Variants in ACTA2 observed in about 807,000 individuals in gnomAD.
ACTA2 encodes actin alpha 2, smooth muscle.
A neutral mutation model predicts 39.5 loss-of-function variants in ACTA2; 12 were observed. The ratio of observed to expected loss-of-function variants is 0.30; its 90% CI spans 0.19 to 0.49. ACTA2 has a LOEUF of 0.49. Ranked by LOEUF, ACTA2 falls within the 20% of genes least tolerant of loss-of-function variation. The probability of loss-of-function intolerance (pLI) is 0.99; values close to 1 mark genes in which losing one functional copy is unlikely to be tolerated. For synonymous variants in ACTA2, 158 were observed against 180.6 expected (o/e 0.88, Z 1.00); for missense variants, 236 against 498.8 (o/e 0.47, Z 5.02).
At chr10:88,967,554 G>A (rs940630208) in intron 1 of ACTA2, among the ~76,000 whole-genome samples, 1 of 152,084 alleles carries the variant, frequency 6.6e-6, no homozygotes, top group Admixed American at 6.6e-5. Context: ...GACAATCCAC[G>A]TTACCTAAGC....
chr10:88,966,793 C>G (rs1846326589), intron 1 of ACTA2, among the ~76,000 whole-genome samples: 1 of 152,208 alleles, frequency 6.6e-6, no homozygotes, highest in South Asian at 2.1e-4. Context: ...GTTTTGAAAA[C>G]TATTAAGTGC....
intron 1 of ACTA2, among the ~76,000 whole-genome samples, chr10:88,985,475 C>T (rs544817633): frequency 1.3e-5 from 2 of 152,328 alleles, no homozygotes; most frequent in East Asian, 3.9e-4. Context: ...TCCTTTCTAC[C>T]CAAGTGCTCT....
At chr10:88,978,539 C>T (rs1419487004) in intron 1 of ACTA2, among the ~76,000 whole-genome samples, 1 of 152,138 alleles carries the variant, frequency 6.6e-6, no homozygotes, top group Non-Finnish European at 1.5e-5. Flanking sequence ...CTGCTCTGAC[C>T]TGTTGGAAAG....
intron 1 of ACTA2, among the ~76,000 whole-genome samples, chr10:88,952,123 T>C (rs936147484): frequency 1.3e-5 from 2 of 152,108 alleles, no homozygotes; most frequent in Non-Finnish European, 2.9e-5. Context: ...ATGATGTAGA[T>C]CCAAACTTGT....
At chr10:88,957,001 C>G (rs1198235648), upstream of ACTA2, among the ~76,000 whole-genome samples, 1 of 152,136 alleles carries the variant, frequency 6.6e-6, no homozygotes, top group Non-Finnish European at 1.5e-5. Flanking sequence ...AAACACCTCC[C>G]ATTAGGCCTC....
At chr10:88,962,732 G>C (rs1846246507) in intron 1 of ACTA2, among the ~76,000 whole-genome samples, 1 of 151,640 alleles carries the variant, frequency 6.6e-6, no homozygotes, top group Admixed American at 6.6e-5. Flanking sequence ...GTATTACTCT[G>C]TTCTCATGCT....
At chr10:88,985,660 C>A (rs777758030) in intron 1 of ACTA2, among the ~76,000 whole-genome samples, 8 of 152,208 alleles carry the variant, frequency 5.3e-5, no homozygotes, top group Non-Finnish European at 8.8e-5. Flanking sequence ...ACCCCCATCC[C>A]ACTCCCTGGC....
At chr10:88,976,974 T>A (rs1846578982) in intron 1 of ACTA2, among the ~76,000 whole-genome samples, 1 of 152,224 alleles carries the variant, frequency 6.6e-6, no homozygotes, top group South Asian at 2.1e-4. Flanking sequence ...CCCAGATTCC[T>A]TTAGATTAGC....
Position 88,943,927 on chromosome 10 carries a change from A to C in ACTA2, c.259-20T>G. The C allele has an allele frequency of 6.2e-7, 1 of 1,606,174 alleles. No individual in the cohort carries two copies. Among genetic ancestry groups the C allele is most frequent in the Non-Finnish European group, 8.5e-7 (1 of 1,172,956 alleles). On this transcript the variant is annotated intron_variant, in intron 3 of 8. Coordinates refer to ENST00000224784, the MANE Select transcript of ACTA2 (RefSeq NM_001613.4). The stretch of plus-strand genomic sequence containing the variant: ...CCAGATCTAGTGAGTTGGGGGACAG[A>C]GGAGAAACACAATGATGTGCTGTCA...
At chr10:88,976,684 T>C (rs1252821447) in intron 1 of ACTA2, among the ~76,000 whole-genome samples, 3 of 152,208 alleles carry the variant, frequency 2.0e-5, no homozygotes, top group African/African-American at 4.8e-5. Flanking sequence ...TTGAGACAGA[T>C]GATTATAATT....
intron 8 of ACTA2, 70 bp downstream of exon 8, chr10:88,937,991 A>G (rs528575403): frequency 1.9e-6 from 3 of 1,567,972 alleles, no homozygotes; most frequent in South Asian, 1.1e-5. Context: ...GTCTCTGAAG[A>G]GTTCTTATCT....
chr10:88,955,472 CA>C (rs1245332446), upstream of ACTA2, among the ~76,000 whole-genome samples: 1 of 152,190 alleles, frequency 6.6e-6, no homozygotes, highest in Admixed American at 6.5e-5. Context: ...AGGAGAGTCA[CA>C]AACAGTTCTC....
intron 1 of ACTA2, among the ~76,000 whole-genome samples, chr10:88,978,598 G>A (rs965672198): frequency 1.3e-5 from 2 of 152,130 alleles, no homozygotes; most frequent in African/African-American, 2.4e-5. Flanking sequence ...AATCTCAATG[G>A]AAAGAAGTGA....
chr10:88,960,057 G>A (rs138987140), intron 1 of ACTA2, among the ~76,000 whole-genome samples: 23 of 152,164 alleles, frequency 1.5e-4, no homozygotes, highest in African/African-American at 2.9e-4. Context: ...TGTTTGCCAG[G>A]TTTCTCTACT....
At chr10:88,964,673 T>C (rs953143031) in intron 1 of ACTA2, among the ~76,000 whole-genome samples, 1 of 152,162 alleles carries the variant, frequency 6.6e-6, no homozygotes, top group Non-Finnish European at 1.5e-5. Flanking sequence ...TCTCGATTGC[T>C]TTCAACCCAA....
chr10:88,942,574 T>C (rs1209389915), intron 4 of ACTA2, among the ~76,000 whole-genome samples: 4 of 152,156 alleles, frequency 2.6e-5, no homozygotes, highest in Admixed American at 1.3e-4. Context: ...AGTGCCCCAG[T>C]TGGTGCAGTC....
chr10:88,939,805 A>G, intron 6 of ACTA2, 107 bp from the exon 7 acceptor site: 1 of 1,191,588 alleles, frequency 8.4e-7, no homozygotes, highest in Non-Finnish European at 1.2e-6. Context: ...CCATCAAAAA[A>G]TGTGTCAGTT....
At chr10:88,981,334 C>G (rs906003354) in intron 1 of ACTA2, among the ~76,000 whole-genome samples, 6 of 151,912 alleles carry the variant, frequency 3.9e-5, no homozygotes, top group Non-Finnish European at 7.4e-5. Flanking sequence ...CAGTTAAACC[C>G]TTGATAAATA....
intron 1 of ACTA2, among the ~76,000 whole-genome samples, chr10:88,977,317 A>G (rs1270213529): frequency 7.6e-6 from 1 of 131,228 alleles, no homozygotes; most frequent in African/African-American, 2.8e-5. Flanking sequence ...TAAGTCTTTA[A>G]TCCATCTTGA....
Sources: allele counts gnomAD v4.1 joint callset (sites outside exome capture counted in the v4.1 genomes callset), GRCh38; gene constraint gnomAD v4.1.1; transcripts MANE v1.5; gene names NCBI Gene and HGNC (gene_info 2026-07-23, HGNC 2026-07-21).